PDE4D: variants seen among roughly 807,000 people sequenced by gnomAD.
PDE4D encodes the protein 3',5'-cyclic-AMP phosphodiesterase 4D.
A neutral mutation model predicts 87.4 loss-of-function variants in PDE4D; 24 were observed. The ratio of observed to expected loss-of-function variants is 0.27; its 90% CI spans 0.20 to 0.39. PDE4D has a LOEUF of 0.39. Ranked by LOEUF, PDE4D falls within the 10% of genes least tolerant of loss-of-function variation. The probability of loss-of-function intolerance (pLI) is 1.00; values close to 1 mark genes in which losing one functional copy is unlikely to be tolerated. For synonymous variants in PDE4D, 384 were observed against 383.2 expected, an observed-to-expected ratio of 1.00 and a Z score of -0.02; for missense variants, 714 against 1,041.0, an observed-to-expected ratio of 0.69 and a Z score of 4.32.
At chr5:59,988,379 A>G in intron 3 of PDE4D, 1 of 609,350 alleles carries the variant, frequency 1.6e-6, no homozygotes, top group East Asian at 2.8e-5. Flanking sequence ...TAGAAACCCC[A>G]TTGTTCTCCC....
chr5:59,200,067 A>G (rs1480190365), intron 2 of PDE4D, among the ~76,000 whole-genome samples: 4 of 150,990 alleles, frequency 2.6e-5, no homozygotes, highest in African/African-American at 7.4e-5. Context: ...GCATGTACAC[A>G]CACGTATGCA....
chr5:60,434,026 C>G (rs548941520), intron 1 of PDE4D, among the ~76,000 whole-genome samples: 4 of 151,990 alleles, frequency 2.6e-5, no homozygotes, highest in Admixed American at 1.3e-4. Flanking sequence ...CCAAAACACA[C>G]CATTTATCTA....
chr5:59,788,646 A>T (rs890471978), intron 1 of PDE4D, among the ~76,000 whole-genome samples: 2 of 152,242 alleles, frequency 1.3e-5, no homozygotes, highest in Non-Finnish European at 2.9e-5. Flanking sequence ...CTGGTGGAAG[A>T]GCAGTGGTTC....
intron 1 of PDE4D, among the ~76,000 whole-genome samples, chr5:59,608,684 C>G (rs1828559548): frequency 6.6e-6 from 1 of 152,110 alleles, no homozygotes; most frequent in Non-Finnish European, 1.5e-5. Flanking sequence ...GAGTAAGTAG[C>G]CTTCTTGAAT....
intron 1 of PDE4D, among the ~76,000 whole-genome samples, chr5:60,212,165 TA>T (rs1231402089): frequency 8.2e-5 from 12 of 146,824 alleles, no homozygotes; most frequent in South Asian, 6.4e-4. Flanking sequence ...ATTATATATA[TA>T]TTTTTTTTCT....
chr5:59,676,119 A>G (rs928603395), intron 1 of PDE4D, among the ~76,000 whole-genome samples: 5 of 151,998 alleles, frequency 3.3e-5, no homozygotes, highest in Admixed American at 1.3e-4. Context: ...ACACACACAC[A>G]TTTAATAACA....
At chr5:59,025,607 T>C (rs1472737183) in intron 6 of PDE4D, among the ~76,000 whole-genome samples, 1 of 152,220 alleles carries the variant, frequency 6.6e-6, no homozygotes, top group Non-Finnish European at 1.5e-5. Flanking sequence ...AAAAGGAAAA[T>C]ACTTTATAGA....
At chr5:59,056,154 G>T (rs773481567) in intron 5 of PDE4D, among the ~76,000 whole-genome samples, 1 of 152,156 alleles carries the variant, frequency 6.6e-6, no homozygotes, top group Non-Finnish European at 1.5e-5. Context: ...AGGGAATAGC[G>T]TGTGAACCAC....
intron 2 of PDE4D, among the ~76,000 whole-genome samples, chr5:60,150,910 TATC>T (rs1164226028): frequency 1.3e-5 from 2 of 152,168 alleles, no homozygotes; most frequent in Non-Finnish European, 2.9e-5. Flanking sequence ...CACAGCCCCT[TATC>T]ATAAATGGAA....
chr5:60,410,829 T>A (rs545649931), intron 1 of PDE4D, among the ~76,000 whole-genome samples: 1 of 152,246 alleles, frequency 6.6e-6, no homozygotes, highest in Non-Finnish European at 1.5e-5. Flanking sequence ...GATAATATGA[T>A]GGCAATGAGC....
At chr5:59,961,413 T>C (rs1759459191) in intron 3 of PDE4D, among the ~76,000 whole-genome samples, 1 of 151,508 alleles carries the variant, frequency 6.6e-6, no homozygotes, top group Admixed American at 6.6e-5. Flanking sequence ...ATGAAAGGCA[T>C]GCAAGCAATC....
chr5:59,786,436 A>T (rs140827067), intron 1 of PDE4D, among the ~76,000 whole-genome samples: 3 of 152,310 alleles, frequency 2.0e-5, no homozygotes, highest in Non-Finnish European at 4.4e-5. Flanking sequence ...ATCCTGAAAC[A>T]GCTAATTAAC....
intron 1 of PDE4D, among the ~76,000 whole-genome samples, chr5:59,835,148 T>C (rs2152701946): frequency 6.6e-6 from 1 of 152,170 alleles, no homozygotes; most frequent in East Asian, 1.9e-4. Context: ...TGATTTGTTA[T>C]TTGCTGGATA....
intron 5 of PDE4D, among the ~76,000 whole-genome samples, chr5:59,127,166 G>C (rs906312273): frequency 3.3e-5 from 5 of 152,180 alleles, no homozygotes; most frequent in Non-Finnish European, 7.3e-5. Flanking sequence ...ACACAAACAT[G>C]CAAGCGTCCA....
At chr5:59,404,485 C>T (rs1791263327) in intron 1 of PDE4D, among the ~76,000 whole-genome samples, 1 of 151,886 alleles carries the variant, frequency 6.6e-6, no homozygotes, top group Non-Finnish European at 1.5e-5. Context: ...ATGGCAAAAC[C>T]CTGTCTCAAC....
chr5:59,219,597 TTGAA>T (rs1249525928), intron 1 of PDE4D, among the ~76,000 whole-genome samples: 1 of 152,134 alleles, frequency 6.6e-6, no homozygotes, highest in Non-Finnish European at 1.5e-5. Flanking sequence ...AGATCAGCAC[TTGAA>T]TAAGTACAGA....
chr5:60,412,866 CTTAAGGTAGGTT>C (rs1431257260), intron 1 of PDE4D, among the ~76,000 whole-genome samples: 1 of 151,986 alleles, frequency 6.6e-6, no homozygotes, highest in Non-Finnish European at 1.5e-5. Context: ...ACAACAAATC[CTTAAGGTAGGTT>C]TTAATCAAAT....
chr5:60,226,566 G>C (rs1242918702), intron 1 of PDE4D, among the ~76,000 whole-genome samples: 1 of 152,076 alleles, frequency 6.6e-6, no homozygotes, highest in African/African-American at 2.4e-5. Context: ...TTGAAAAACA[G>C]CGTTATTTTT....
At chr5:60,315,896 A>G (rs1755534594) in intron 1 of PDE4D, among the ~76,000 whole-genome samples, 2 of 152,064 alleles carry the variant, frequency 1.3e-5, no homozygotes, top group South Asian at 2.1e-4. Context: ...GTAGCCTTGT[A>G]GTATAGTTTG....
Sources: gnomAD v4.1 joint callset for allele counts (sites outside exome capture counted in the v4.1 genomes callset) on GRCh38, gnomAD v4.1.1 for gene constraint, MANE v1.5 for transcripts, NCBI Gene and HGNC (gene_info 2026-07-23, HGNC 2026-07-21) for gene names.